Variants in IRAK2 observed in about 807,000 individuals in gnomAD.
The protein encoded by IRAK2 is interleukin 1 receptor associated kinase 2.
Under a neutral mutation model 72.0 loss-of-function variants are expected in IRAK2, and 57 were observed. The observed-to-expected ratio is 0.79, with a 90% CI of 0.64 to 0.99. The LOEUF (loss-of-function observed/expected upper bound fraction) is 0.99, where lower values mean the gene tolerates loss of function less well. Among genes scored for constraint, IRAK2 ranks in the 50% least tolerant of loss-of-function variants. IRAK2 has a pLI of 0.00. For missense variants in IRAK2, 790 were observed against 794.4 expected (o/e 0.99, Z 0.07); for synonymous variants, 293 against 312.7 (o/e 0.94, Z 0.67).
chr3:10,236,199 C>G (rs974647149), intron 11 of IRAK2, among the ~76,000 whole-genome samples: 5 of 151,996 alleles, frequency 3.3e-5, no homozygotes, highest in African/African-American at 1.2e-4. Flanking sequence ...GAGCTCAGCA[C>G]GTTCAAGGGC....
At chr3:10,194,468 G>C (rs1384415082) in intron 2 of IRAK2, among the ~76,000 whole-genome samples, 3 of 152,226 alleles carry the variant, frequency 2.0e-5, no homozygotes, top group African/African-American at 7.2e-5. Context: ...CCTTGGCCTT[G>C]GCAGATAGGA....
At chr3:10,196,781 T>C (rs1234607866) in intron 2 of IRAK2, among the ~76,000 whole-genome samples, 5 of 152,256 alleles carry the variant, frequency 3.3e-5, no homozygotes, top group South Asian at 2.1e-4. Flanking sequence ...TCTCCAGGGT[T>C]GTGGGGAGGG....
chr3:10,172,885 C>G (rs1248168402), intron 1 of IRAK2, among the ~76,000 whole-genome samples: 1 of 146,986 alleles, frequency 6.8e-6, no homozygotes, highest in Non-Finnish European at 1.5e-5. Flanking sequence ...TTCATCATGT[C>G]GGCCAGGCTG....
intron 4 of IRAK2, among the ~76,000 whole-genome samples, chr3:10,211,815 T>C (rs1037270734): frequency 6.6e-5 from 10 of 152,056 alleles, no homozygotes; most frequent in African/African-American, 2.4e-4. Context: ...CGGTGGCTCG[T>C]GCCTGTAATC....
intron 9 of IRAK2, among the ~76,000 whole-genome samples, chr3:10,224,198 G>A (rs1479225959): frequency 1.3e-5 from 2 of 152,098 alleles, no homozygotes; most frequent in African/African-American, 2.4e-5. Flanking sequence ...TTAGCTGAGT[G>A]TGGTGGCATG....
chr3:10,165,158 T>G, intron 1 of IRAK2, 110 bp downstream of exon 1: 1 of 907,288 alleles, frequency 1.1e-6, no homozygotes, highest in Non-Finnish European at 1.7e-6. Flanking sequence ...CGGGTCCCGA[T>G]CCGAGGGCGT....
At chr3:10,199,121 G>A (rs555711254) in intron 2 of IRAK2, among the ~76,000 whole-genome samples, 1 of 152,176 alleles carries the variant, frequency 6.6e-6, no homozygotes, top group African/African-American at 2.4e-5. Flanking sequence ...GCCTGGCAAG[G>A]GTGTGGAGGC....
intron 2 of IRAK2, among the ~76,000 whole-genome samples, chr3:10,179,246 G>A (rs760756302): frequency 6.7e-6 from 1 of 148,514 alleles, no homozygotes; most frequent in Non-Finnish European, 1.5e-5. Context: ...ATTGAGATGT[G>A]TTTATGTTCC....
At chr3:10,208,093 G>T (rs1001798513) in intron 3 of IRAK2, among the ~76,000 whole-genome samples, 3 of 151,976 alleles carry the variant, frequency 2.0e-5, no homozygotes, top group African/African-American at 7.2e-5. Context: ...TCTGGTAGGG[G>T]GGCTCCTCGG....
At chr3:10,240,274 G>A (rs1225657613) in intron 12 of IRAK2, among the ~76,000 whole-genome samples, 3 of 151,376 alleles carry the variant, frequency 2.0e-5, no homozygotes, top group Non-Finnish European at 4.4e-5. Flanking sequence ...GGCCAATATG[G>A]TGAAACCCCA....
At chr3:10,183,425 G>A (rs1696993672) in intron 2 of IRAK2, among the ~76,000 whole-genome samples, 1 of 152,140 alleles carries the variant, frequency 6.6e-6, no homozygotes, top group Non-Finnish European at 1.5e-5. Flanking sequence ...AATACTCTAA[G>A]AATTAGAATG....
At chr3:10,191,673 A>G (rs1259211581) in intron 2 of IRAK2, among the ~76,000 whole-genome samples, 2 of 151,894 alleles carry the variant, frequency 1.3e-5, no homozygotes, top group Non-Finnish European at 2.9e-5. Flanking sequence ...AGTCCTTTTC[A>G]TCCTCTGGGT....
rs562584604 is a variant in IRAK2 at position 10,213,998 on chromosome 3, G to A, written c.788+450G>A. Among the ~76,000 whole-genome samples, 24 of 150,242 alleles carry A rather than the reference G, an allele frequency of 1.6e-4. 1 individual carries two copies. In the South Asian group the frequency reaches 4.2e-3, roughly 26 times the overall value. On this transcript the variant is annotated intron_variant, in intron 6 of 12. Coordinates refer to ENST00000256458, the MANE Select transcript of IRAK2 (RefSeq NM_001570.4). ...GGCTGGAGTGCAGTGGCGTGATCTC[G>A]GCTCACTGCAATCTCTGCCTACCAG...
intron 1 of IRAK2, among the ~76,000 whole-genome samples, chr3:10,177,434 C>T (rs1283250938): frequency 1.3e-5 from 2 of 152,292 alleles, no homozygotes; most frequent in East Asian, 3.9e-4. Flanking sequence ...GAACCAGGCA[C>T]TATTCTCAAT....
At chr3:10,177,758 C>T in intron 1 of IRAK2, 80 bp from the exon 2 acceptor site, 6 of 1,416,372 alleles carry the variant, frequency 4.2e-6, no homozygotes, top group Non-Finnish European at 5.9e-6. Context: ...TGGAAAAGCC[C>T]AGCTAGGGGC....
intron 1 of IRAK2, among the ~76,000 whole-genome samples, chr3:10,168,219 T>G (rs1696726421): frequency 6.6e-6 from 1 of 151,774 alleles, no homozygotes; most frequent in African/African-American, 2.4e-5. Context: ...TTTTTAATTT[T>G]TTTTTTTTTG....
chr3:10,169,783 C>T (rs1696766963), intron 1 of IRAK2, among the ~76,000 whole-genome samples: 1 of 152,118 alleles, frequency 6.6e-6, no homozygotes. Flanking sequence ...CATACATCCT[C>T]AGCTTATGAA....
At chr3:10,184,374 T>G (rs922370212) in intron 2 of IRAK2, among the ~76,000 whole-genome samples, 6 of 152,224 alleles carry the variant, frequency 3.9e-5, no homozygotes, top group Non-Finnish European at 7.3e-5. Flanking sequence ...CCCAGATATC[T>G]GTATACACCT....
At position 10,177,975 on chromosome 3, in the gene IRAK2, C is replaced by T. The variant is rs11709928; in HGVS notation, c.232C>T (p.Leu78=). ...QATVQQLVDL[L]CRLELYRAAQ... ...CACCGTCCAGCAACTTGTGGACCTC[C>T]TGTGCCGCCTGGAGCTCTACCGGGC... Residue 78 remains leucine, a synonymous_variant, in exon 2 of 13, where the codon CTG becomes TTG. Transcript: ENST00000256458. 1 of 1,613,500 alleles carries T rather than the reference C, an allele frequency of 6.2e-7. No individual in the cohort carries two copies. The highest frequency in any genetic ancestry group is 1.7e-5 in the Admixed American group (1 of 60,010).
Sources: gnomAD v4.1 joint callset for allele counts (sites outside exome capture counted in the v4.1 genomes callset) on GRCh38, gnomAD v4.1.1 for gene constraint, MANE v1.5 for transcripts, NCBI Gene and HGNC (gene_info 2026-07-23, HGNC 2026-07-21) for gene names.